The following NSMCE1 variants were observed in gnomAD, a reference collection of about 807,000 sequenced individuals.
The protein encoded by NSMCE1 is non-structural maintenance of chromosomes element 1 homolog.
NSMCE1 carries 18 observed loss-of-function variants against 29.6 expected under a neutral mutation model. The ratio of observed to expected loss-of-function variants is 0.61; its 90% CI spans 0.42 to 0.90. The LOEUF is 0.90. Ranked by LOEUF, NSMCE1 falls within the 40% of genes least tolerant of loss-of-function variation. The pLI is 0.00. For missense variants in NSMCE1, 314 were observed against 343.6 expected (o/e 0.91, Z 0.68); for synonymous variants, 124 against 133.4 (o/e 0.93, Z 0.49).
At chr16:27,227,049 TG>T (rs1323658058) in intron 5 of NSMCE1, among the ~76,000 whole-genome samples, 1 of 152,234 alleles carries the variant, frequency 6.6e-6, no homozygotes, top group Non-Finnish European at 1.5e-5. Flanking sequence ...CATGGAGGCG[TG>T]GCTCCCTGAC....
At position 27,228,092 on chromosome 16, in the gene NSMCE1, G is replaced by A. The variant is rs564580821; in HGVS notation, c.484-1256C>T. On this transcript the variant is annotated intron_variant, in intron 5 of 7. Transcript: ENST00000361439. ...GAGTCACCGCACCCAGCCCACTCCC[G>A]TTTCTGACAGGTAGAGCCCCCCACC... 6.6e-5 allele frequency among the ~76,000 whole-genome samples: 10 copies of A among 152,214 alleles called. 1 individual carries two copies. The South Asian group carries it at 1.2e-3, about 19-fold the overall frequency.
rs117739208 is a variant in NSMCE1 at position 27,245,456 on chromosome 16, G to A, written c.137-10157C>T. On this transcript the variant is annotated intron_variant, in intron 2 of 7. Coordinates refer to ENST00000361439, the MANE Select transcript of NSMCE1 (RefSeq NM_145080.4). The stretch of plus-strand genomic sequence containing the variant: ...GTGTGTGCTTAGGGGAGCGTGAAGC[G>A]CACAGAAATCCTGGCTCAGCAACTC... Among the ~76,000 whole-genome samples, 785 of 152,320 alleles carry A rather than the reference G, an allele frequency of 5.2e-3. 6 individuals carry two copies. Among genetic ancestry groups the A allele is most frequent in the Middle Eastern group, 0.024 (7 of 294 alleles).
chr16:27,230,262 G>A (rs1348351698), intron 5 of NSMCE1, among the ~76,000 whole-genome samples: 2 of 152,196 alleles, frequency 1.3e-5, no homozygotes, highest in South Asian at 2.1e-4. Flanking sequence ...CAGGAGTGAC[G>A]TGTCCTTGGG....
intron 4 of NSMCE1, 22 bp from the exon 5 acceptor site, chr16:27,233,169 A>C: frequency 1.3e-6 from 2 of 1,599,734 alleles, no homozygotes; most frequent in Non-Finnish European, 1.7e-6. Flanking sequence ...AGCAGGTATC[A>C]TGCTCATCTA....
chr16:27,244,027 A>T (rs2083922911), intron 2 of NSMCE1, among the ~76,000 whole-genome samples: 1 of 152,202 alleles, frequency 6.6e-6, no homozygotes, highest in African/African-American at 2.4e-5. Flanking sequence ...AACCAATCAC[A>T]TAGGACGCCC....
At position 27,233,021 on chromosome 16, in the gene NSMCE1, G is replaced by T. The variant is rs1180969453; in HGVS notation, c.463C>A (p.Gln155Lys). 1 of 1,614,108 alleles carries T rather than the reference G, an allele frequency of 6.2e-7. No individual in the cohort carries two copies. The highest frequency in any genetic ancestry group is 1.7e-5 in the Admixed American group (1 of 60,018). The change falls in exon 5 of 8, where the codon CAA becomes AAA. Residue 155 changes from glutamine to lysine, a missense_variant. Physicochemically the swap from Gln to Lys is moderately conservative, Grantham distance 53 (BLOSUM62 1). Coordinates refer to ENST00000361439, the MANE Select transcript of NSMCE1 (RefSeq NM_145080.4). Reference sequence around the variant, plus strand: ...AGTACCTCAATCAGCCACTTGTTTTGAACAAACTTCTGCAGCACCTGCTCC... The same window carrying T: ...AGTACCTCAATCAGCCACTTGTTTTTAACAAACTTCTGCAGCACCTGCTCC... ...EAEQVLQKFV[Q>K]NKWLIEKEGE...
intron 5 of NSMCE1, among the ~76,000 whole-genome samples, chr16:27,229,044 G>A (rs549234094): frequency 1.3e-5 from 2 of 152,238 alleles, no homozygotes; most frequent in South Asian, 4.1e-4. Flanking sequence ...CCCCACCCCA[G>A]GGCTTCCCAC....
chr16:27,233,149 T>A lies in NSMCE1; in HGVS notation c.337-2A>T. On this transcript the variant is annotated splice_acceptor_variant, in intron 4 of 7. Coordinates refer to ENST00000361439, the MANE Select transcript of NSMCE1 (RefSeq NM_145080.4). LOFTEE classifies it high-confidence loss of function. ...TTCTGAGTCAATAATCAGTTCCAGC[T>A]GGAAGAAAGAGCAGGTATCATGCTC... is the stretch of plus-strand genomic sequence containing the variant. 1 of 1,611,148 alleles carries A rather than the reference T, an allele frequency of 6.2e-7. No individual in the cohort carries two copies. The highest frequency in any genetic ancestry group is 8.5e-7 in the Non-Finnish European group (1 of 1,179,152).
intron 2 of NSMCE1, among the ~76,000 whole-genome samples, chr16:27,237,504 T>C (rs2083838961): frequency 6.6e-6 from 1 of 152,194 alleles, no homozygotes; most frequent in Admixed American, 6.5e-5. Context: ...AGACACACTT[T>C]TCCACCCCCA....
intron 2 of NSMCE1, among the ~76,000 whole-genome samples, chr16:27,247,906 G>A (rs1281481725): frequency 2.1e-4 from 32 of 149,350 alleles, no homozygotes; most frequent in Admixed American, 1.5e-3. Context: ...CAGCCTGGGC[G>A]ACAGAGCAAG....
intron 2 of NSMCE1, among the ~76,000 whole-genome samples, chr16:27,242,123 G>T (rs531412258): frequency 6.6e-6 from 1 of 152,186 alleles, no homozygotes; most frequent in Non-Finnish European, 1.5e-5. Context: ...GGGCTTCACT[G>T]TATCAGTCTC....
chr16:27,230,099 G>A (rs1448770070), intron 5 of NSMCE1, among the ~76,000 whole-genome samples: 3 of 149,810 alleles, frequency 2.0e-5, no homozygotes, highest in African/African-American at 7.4e-5. Context: ...ATGGAGGTGC[G>A]CCGATCAGCA....
intron 1 of NSMCE1, among the ~76,000 whole-genome samples, chr16:27,259,653 G>A (rs1011474201): frequency 3.3e-5 from 5 of 152,130 alleles, no homozygotes; most frequent in Non-Finnish European, 7.3e-5. Context: ...TATCACCGAG[G>A]CTTGGCAGTG....
At chr16:27,258,902 C>A (rs1323976942) in intron 1 of NSMCE1, among the ~76,000 whole-genome samples, 1 of 152,040 alleles carries the variant, frequency 6.6e-6, no homozygotes, top group Admixed American at 6.6e-5. Flanking sequence ...AGGCGCCCAC[C>A]ACCGTGCCTG....
intron 2 of NSMCE1, among the ~76,000 whole-genome samples, chr16:27,251,078 T>TGATC (rs1450051423): frequency 2.7e-5 from 4 of 146,938 alleles, no homozygotes; most frequent in Non-Finnish European, 4.5e-5. Context: ...CGACCTCAGG[T>TGATC]GATCTGCCCA....
chr16:27,237,062 G>C (rs1567275424), intron 2 of NSMCE1, among the ~76,000 whole-genome samples: 1 of 152,200 alleles, frequency 6.6e-6, no homozygotes, highest in Non-Finnish European at 1.5e-5. Context: ...CAGACTGTGG[G>C]GCCCAGAAAA....
At chr16:27,238,360 C>T (rs2083851085) in intron 2 of NSMCE1, among the ~76,000 whole-genome samples, 2 of 152,114 alleles carry the variant, frequency 1.3e-5, no homozygotes, top group South Asian at 4.1e-4. Context: ...GCCTCCCGTA[C>T]AGGCCTTCCC....
intron 2 of NSMCE1, among the ~76,000 whole-genome samples, chr16:27,243,202 A>G (rs1243146980): frequency 6.6e-6 from 1 of 152,200 alleles, no homozygotes; most frequent in African/African-American, 2.4e-5. Flanking sequence ...TACAAACACT[A>G]TAGTGCAAAC....
chr16:27,260,807 C>T (rs1290455542), intron 1 of NSMCE1, among the ~76,000 whole-genome samples: 1 of 144,064 alleles, frequency 6.9e-6, no homozygotes, highest in African/African-American at 2.6e-5. Flanking sequence ...TGCAGTGAAC[C>T]GTGATCACAC....
Sources: gnomAD v4.1 joint callset for allele counts (sites outside exome capture counted in the v4.1 genomes callset) on GRCh38, gnomAD v4.1.1 for gene constraint, MANE v1.5 for transcripts, NCBI Gene and HGNC (gene_info 2026-07-23, HGNC 2026-07-21) for gene names.